The following USP32 variants were observed in gnomAD, a reference collection of about 807,000 sequenced individuals.
The protein encoded by USP32 is ubiquitin specific peptidase 32.
A neutral mutation model predicts 204.8 loss-of-function variants in USP32; 59 were observed. That is an observed-to-expected ratio of 0.29 (90% CI 0.23 to 0.36). The LOEUF is 0.36. USP32 is among the 10% of genes least tolerant of loss of function. The probability of loss-of-function intolerance (pLI) is 1.00; values close to 1 mark genes in which losing one functional copy is unlikely to be tolerated. For missense variants in USP32, 1,160 were observed against 1,946.4 expected, an observed-to-expected ratio of 0.60 and a Z score of 7.60; for synonymous variants, 517 against 678.4, an observed-to-expected ratio of 0.76 and a Z score of 3.70.
At chr17:60,217,133 C>T (rs984551184) in intron 16 of USP32, among the ~76,000 whole-genome samples, 10 of 152,178 alleles carry the variant, frequency 6.6e-5, no homozygotes, top group Non-Finnish European at 1.3e-4. Flanking sequence ...TAGCATAGCT[C>T]ATTAAGCAGG....
Position 60,294,816 on chromosome 17 carries a change from G to A in USP32, c.293-15C>T. The A allele has an allele frequency of 1.9e-6, 3 of 1,544,532 alleles. No individual in the cohort carries two copies. Among genetic ancestry groups the A allele is most frequent in the Non-Finnish European group, 2.7e-6 (3 of 1,122,638 alleles). ...ACTAAAAATGTCTAAGAAAAAGAAA[G>A]ATAGAATAAATTAATCTTAACAAAG... On this transcript the variant is annotated splice_polypyrimidine_tract_variant and intron_variant, in intron 3 of 33. Transcript: ENST00000300896.
intron 27 of USP32, among the ~76,000 whole-genome samples, chr17:60,197,335 T>C (rs941004001): frequency 9.9e-5 from 15 of 152,210 alleles, no homozygotes; most frequent in African/African-American, 3.4e-4. Flanking sequence ...CCGGGTGTGG[T>C]GGCTCACGCC....
At chr17:60,227,066 T>A (rs865846321) in intron 12 of USP32, among the ~76,000 whole-genome samples, 27 of 131,990 alleles carry the variant, frequency 2.0e-4, no homozygotes, top group Middle Eastern at 3.6e-3. Flanking sequence ...AAAAATCATA[T>A]TTTTTTCTTT....
At position 60,269,697 on chromosome 17, in the gene USP32, C is replaced by T. The variant is rs1346188901; in HGVS notation, c.704-140G>A. The T allele has an allele frequency of 8.7e-6, 5 of 572,754 alleles. No homozygotes were observed. In the Admixed American group the frequency reaches 1.9e-4, roughly 22 times the overall value. 35.5% of individuals were successfully genotyped at this position (572,754 alleles called of 1,614,324 possible). On this transcript the variant is annotated intron_variant, in intron 6 of 33. Transcript: ENST00000300896. ...AGTTTATTAGTAGTTCCTAATGTTT[C>T]AGGAAGTACCTCTTTCCTCTTGGTA...
chr17:60,208,942 T>G, intron 22 of USP32, 114 bp from the exon 23 acceptor site: 1 of 1,036,534 alleles, frequency 9.6e-7, no homozygotes, highest in Middle Eastern at 2.7e-4. Context: ...AATATAATCC[T>G]TACTCTTCAT....
At chr17:60,290,465 TTAGTC>T (rs1473886459) in intron 4 of USP32, among the ~76,000 whole-genome samples, 2 of 152,168 alleles carry the variant, frequency 1.3e-5, no homozygotes, top group African/African-American at 2.4e-5. Flanking sequence ...TATCCCATGT[TTAGTC>T]TAGAAAGAAG....
intron 1 of USP32, among the ~76,000 whole-genome samples, chr17:60,417,650 C>T (rs924784549): frequency 4.7e-5 from 7 of 150,256 alleles, no homozygotes; most frequent in Admixed American, 4.0e-4. Context: ...GACAGGATTT[C>T]GCCATGTTGG....
chr17:60,218,337 T>C (rs573225115), intron 16 of USP32, among the ~76,000 whole-genome samples: 61 of 152,036 alleles, frequency 4.0e-4, no homozygotes, highest in African/African-American at 1.3e-3. Context: ...TGAGCCGAGA[T>C]CGTGCCACTC....
chr17:60,302,266 C>G (rs1460193250), intron 2 of USP32, among the ~76,000 whole-genome samples: 1 of 152,106 alleles, frequency 6.6e-6, no homozygotes, highest in Non-Finnish European at 1.5e-5. Context: ...TCCCAAGTAG[C>G]TGGGATTACA....
chr17:60,321,782 C>T (rs2088118137), intron 2 of USP32, among the ~76,000 whole-genome samples: 2 of 152,014 alleles, frequency 1.3e-5, no homozygotes, highest in South Asian at 2.1e-4. Context: ...TCTGGAAAGA[C>T]AAGCTTCTCT....
chr17:60,202,443 T>TCACA (rs377613629), intron 26 of USP32, among the ~76,000 whole-genome samples: 15,723 of 140,632 alleles, frequency 0.11, 982 homozygotes, highest in African/African-American at 0.19. Context: ...GCTTATCAAA[T>TCACA]CACACACACA....
Position 60,391,865 on chromosome 17 carries a change from G to C in USP32, c.58+17C>G. The C allele has an allele frequency of 6.3e-7, 1 of 1,584,856 alleles. No individual in the cohort carries two copies. Among genetic ancestry groups the C allele is most frequent in the Non-Finnish European group, 8.6e-7 (1 of 1,165,110 alleles). ...GCGGGCCTCCCAGGCAGCTCGCCCA[G>C]ACCCCTCCCCCCTCACCTCTCCTCA... On this transcript the variant is annotated intron_variant, in intron 1 of 33. Coordinates refer to ENST00000300896, the MANE Select transcript of USP32 (RefSeq NM_032582.4).
intron 12 of USP32, 101 bp from the exon 13 acceptor site, chr17:60,226,332 C>A: frequency 9.1e-7 from 1 of 1,100,136 alleles, no homozygotes; most frequent in Admixed American, 3.6e-5. Context: ...TTTAAGTCTC[C>A]TGTGGTTGGC....
At chr17:60,353,504 G>A (rs1223517470) in intron 1 of USP32, among the ~76,000 whole-genome samples, 1 of 152,134 alleles carries the variant, frequency 6.6e-6, no homozygotes, top group Non-Finnish European at 1.5e-5. Context: ...ACTTTGGGAG[G>A]CCGAAGCAGG....
intron 21 of USP32, among the ~76,000 whole-genome samples, chr17:60,210,706 A>T (rs2084939385): frequency 1.3e-5 from 2 of 152,278 alleles, no homozygotes; most frequent in Admixed American, 6.5e-5. Flanking sequence ...TTGCAGTTAG[A>T]ATACTGCTAA....
chr17:60,226,824 C>T (rs1010692215), intron 12 of USP32, among the ~76,000 whole-genome samples: 20 of 151,208 alleles, frequency 1.3e-4, no homozygotes, highest in East Asian at 5.8e-4. Context: ...TTTGGGAGAC[C>T]GAGGCAGATG....
chr17:60,412,536 A>G (rs1824247789), intron 1 of USP32, among the ~76,000 whole-genome samples: 2 of 123,560 alleles, frequency 1.6e-5, no homozygotes, highest in Non-Finnish European at 3.5e-5. Flanking sequence ...CCCTGTTTCA[A>G]AAAAAAAAAA....
intron 1 of USP32, 150 bp downstream of exon 1, chr17:60,391,732 C>T: frequency 1.3e-6 from 1 of 783,672 alleles, no homozygotes; most frequent in Non-Finnish European, 2.0e-6. Context: ...CGACCTCTCT[C>T]CTCCACCACA....
intron 5 of USP32, among the ~76,000 whole-genome samples, chr17:60,279,981 G>C (rs2086930120): frequency 6.6e-6 from 1 of 151,772 alleles, no homozygotes; most frequent in Non-Finnish European, 1.5e-5. Flanking sequence ...CTAAAGTTCT[G>C]ATTCCACTTC....
Sources: allele counts gnomAD v4.1 joint callset (sites outside exome capture counted in the v4.1 genomes callset), GRCh38; gene constraint gnomAD v4.1.1; transcripts MANE v1.5; gene names NCBI Gene and HGNC (gene_info 2026-07-23, HGNC 2026-07-21).